Variants in NOD2 observed in about 807,000 individuals in gnomAD.
NOD2 encodes the protein nucleotide binding oligomerization domain containing 2.
In NOD2, 86 loss-of-function variants were observed where a neutral mutation model predicts 90.9. That is an observed-to-expected ratio of 0.95 (90% CI 0.79 to 1.13). NOD2 has a LOEUF of 1.13. NOD2 is among the 50% of genes most tolerant of loss of function. NOD2 has a pLI of 0.00. For missense variants in NOD2, 1,238 were observed against 1,283.8 expected (o/e 0.96, Z 0.55); for synonymous variants, 581 against 554.6 (o/e 1.05, Z -0.67).
chr16:50,724,663 G>A (rs965363005), intron 9 of NOD2, among the ~76,000 whole-genome samples: 2 of 152,208 alleles, frequency 1.3e-5, no homozygotes, highest in African/African-American at 4.8e-5. Context: ...CTAAGACTTA[G>A]CTGTTTGTTA....
chr16:50,729,842 C>T lies in NOD2; in HGVS notation c.2910C>T (p.Tyr970=). 6.2e-7 allele frequency: 1 copy of T among 1,613,058 alleles called. No individual in the cohort carries two copies. The highest frequency in any genetic ancestry group is 8.5e-7 in the Non-Finnish European group (1 of 1,179,194). Residue 970 remains tyrosine (Y), a synonymous_variant, in exon 11 of 12, where the codon TAC becomes TAT. Transcript: ENST00000647318. ...GGTTGTCCAATAACTGCATCACCTA[C>T]CTAGGGGCAGAAGCCCTCCTGCAGG... ...ILKLSNNCIT[Y]LGAEALLQAL... is the part of the protein sequence containing the mutation.
rs5743273 is a variant in NOD2, at chr16:50,711,105, C to T, written c.1113C>T (p.Thr371=). 8.7e-5 allele frequency: 140 copies of T among 1,614,200 alleles called. 1 individual carries two copies. Among genetic ancestry groups the T allele is most frequent in the Admixed American group, 6.7e-4 (40 of 60,030 alleles). The change falls in exon 4 of 12, where the codon ACC becomes ACT. Residue 371 remains threonine (T), a synonymous_variant. Transcript: ENST00000647318. ...ATCGTGAACGCCACTGCTCCCCGACCGACCCCACCTCTGTCCAGACCCTGC... is the reference window on the plus strand; with the variant it reads ...ATCGTGAACGCCACTGCTCCCCGACTGACCCCACCTCTGTCCAGACCCTGC... ...FTDRERHCSP[T]DPTSVQTLLF...
intron 1 of NOD2, among the ~76,000 whole-genome samples, chr16:50,695,968 G>C (rs144388393): frequency 7.9e-5 from 12 of 152,178 alleles, no homozygotes; most frequent in African/African-American, 2.7e-4. Context: ...AAGAAGGGGA[G>C]TGTCAAGAGA....
intron 2 of NOD2, among the ~76,000 whole-genome samples, chr16:50,704,305 C>A (rs1369496761): frequency 6.6e-6 from 1 of 152,134 alleles, no homozygotes; most frequent in African/African-American, 2.4e-5. Context: ...GCCTCTTCTT[C>A]CCTGGTTTAC....
At chr16:50,697,401 T>C (rs1234593037) in intron 1 of NOD2, 53 of 1,266,736 alleles carry the variant, frequency 4.2e-5, no homozygotes, top group Non-Finnish European at 1.1e-6. Context: ...AGGCCTGGGG[T>C]CAGATGGGGA....
rs151234925 is a variant in NOD2 at position 50,693,682 on chromosome 16, C to G, written c.-9+20C>G. 18 of 152,400 alleles carry G rather than the reference C, an allele frequency of 1.2e-4. 1 individual carries two copies. In the East Asian group the frequency reaches 2.9e-3, roughly 25 times the overall value. The allele number at this position is 152,400 out of a possible 1,614,324, so 9.4% of individuals were successfully genotyped here. On this transcript the variant is annotated intron_variant, in intron 1 of 11. Coordinates refer to ENST00000647318, the MANE Select transcript of NOD2 (RefSeq NM_001370466.1). ...CTCGCGGTGAGTGCTGTGCCCAGCG[C>G]CTGGGGGTGGGCTGGGGGGAGACTG... is the stretch of plus-strand genomic sequence containing the variant.
At position 50,732,756 on chromosome 16, in the gene NOD2, A is replaced by G. The variant is rs1433263673; in HGVS notation, c.*937A>G. On this transcript the variant is annotated 3_prime_UTR_variant, in exon 12 of 12. Transcript: ENST00000647318. ...GACAACAGACTTCTGAAATAGACCC[A>G]CAAGAGGCAGTTCCATTTCATTTGT... is the stretch of plus-strand genomic sequence containing the variant. 6.6e-6 allele frequency: 1 copy of G among 152,350 alleles called. No homozygotes were observed. Among genetic ancestry groups the G allele is most frequent in the Non-Finnish European group, 1.5e-5 (1 of 68,040 alleles). The allele number at this position is 152,350 out of a possible 1,614,324, so 9.4% of individuals were successfully genotyped here.
In NOD2 at chr16:50,712,006, G is replaced by T; in HGVS notation, c.2014G>T (p.Ala672Ser). 1 of 1,613,212 alleles carries T rather than the reference G, an allele frequency of 6.2e-7. No homozygotes were observed. Among genetic ancestry groups the T allele is most frequent in the African/African-American group, 1.3e-5 (1 of 75,070 alleles). The change falls in exon 4 of 12, where the codon GCC (alanine) becomes TCC (serine). Residue 672 changes from alanine (A) to serine (S), a missense_variant. Around this residue, in one of 3 missense-constraint regions of NOD2, gnomAD observed 667 missense variants for 688.7 expected, o/e 0.97. Coordinates refer to ENST00000647318, the MANE Select transcript of NOD2 (RefSeq NM_001370466.1). ...GGCTGAGTGCCAGACATCTGAGAAGGCCCTGCTCCGGCGCCAGGCCTGTGC... is the reference window on the plus strand; with the variant it reads ...GGCTGAGTGCCAGACATCTGAGAAGTCCCTGCTCCGGCGCCAGGCCTGTGC... ...LLAECQTSEK[A>S]LLRRQACARW...
Position 50,725,480 on chromosome 16 carries a change from T to G in NOD2, c.2802-9T>G, listed in dbSNP as rs750873269. 6.2e-7 allele frequency: 1 copy of G among 1,610,298 alleles called. No individual in the cohort carries two copies. The highest frequency in any genetic ancestry group is 2.2e-5 in the East Asian group (1 of 44,874). On this transcript the variant is annotated splice_polypyrimidine_tract_variant and intron_variant, in intron 9 of 11. Coordinates refer to ENST00000647318, the MANE Select transcript of NOD2 (RefSeq NM_001370466.1). ...GTATCAACTGGATTTTCTCTCTTCT[T>G]CTCACCAGCCTGGAGGAGAACCATC...
chr16:50,722,607 T>C lies in NOD2; in HGVS notation c.2634-15T>C, dbSNP rs1448012907. 6.8e-6 allele frequency: 11 copies of C among 1,613,454 alleles called. No homozygotes were observed. The East Asian group carries it at 2.5e-4, about 36-fold the overall frequency. ...ACTCACTGACACTGTCTGTTGACTCTTTTGGCCTTTTCAGATTCTGGGGCA... is the reference window on the plus strand; with the variant it reads ...ACTCACTGACACTGTCTGTTGACTCCTTTGGCCTTTTCAGATTCTGGGGCA... On this transcript the variant is annotated splice_polypyrimidine_tract_variant and intron_variant, in intron 7 of 11. Transcript: ENST00000647318.
Position 50,711,534 on chromosome 16 carries a change from G to T in NOD2, c.1542G>T (p.Arg514=). 1 of 1,612,876 alleles carries T rather than the reference G, an allele frequency of 6.2e-7. No homozygotes were observed. The highest frequency in any genetic ancestry group is 1.3e-5 in the African/African-American group (1 of 75,054). ...ASQGLGPSLL[R]GRLPTLLHLG... Reference sequence around the variant, plus strand: ...AAGGTCTGGGACCCAGTCTTCTTCGGGGCCGCCTCCCCACCCTCCTGCACC... The same window carrying T: ...AAGGTCTGGGACCCAGTCTTCTTCGTGGCCGCCTCCCCACCCTCCTGCACC... Residue 514 remains arginine (R), a synonymous_variant, in exon 4 of 12, where the codon CGG becomes CGT. Transcript: ENST00000647318.
chr16:50,719,715 C>T (rs751010512), intron 6 of NOD2: 1 of 686,374 alleles, frequency 1.5e-6, no homozygotes, highest in East Asian at 2.8e-5. Flanking sequence ...CAAACAGCGT[C>T]CCGCTGCCCC....
intron 4 of NOD2, chr16:50,712,860 C>G (rs1178015220): frequency 1.1e-5 from 2 of 189,114 alleles, no homozygotes; most frequent in Middle Eastern, 2.3e-3. Flanking sequence ...AGGAACAACA[C>G]CAAATCAGAG....
intron 6 of NOD2, among the ~76,000 whole-genome samples, chr16:50,719,508 C>A (rs989564146): frequency 1.3e-5 from 2 of 152,154 alleles, no homozygotes; most frequent in African/African-American, 4.8e-5. Context: ...GCCCAGCGCT[C>A]TTGTGCAACA....
In NOD2 at chr16:50,720,009, G is replaced by A. The variant is rs751482121; in HGVS notation, c.2633+1G>A. On this transcript the variant is annotated splice_donor_variant, in intron 7 of 11. Transcript: ENST00000647318. LOFTEE classifies it high-confidence loss of function. ...GCAACACCTCCTTGCAGTTCCTGGGGTAGGTTGGATTCCAGGAAGAGGGAC... is the reference window on the plus strand; with the variant it reads ...GCAACACCTCCTTGCAGTTCCTGGGATAGGTTGGATTCCAGGAAGAGGGAC... 3.1e-6 allele frequency: 5 copies of A among 1,613,868 alleles called. No individual in the cohort carries two copies. In the Admixed American group the frequency reaches 8.3e-5, roughly 27 times the overall value.
Position 50,699,653 on chromosome 16 carries a change from C to G in NOD2, c.158C>G (p.Pro53Arg), listed in dbSNP as rs1268714257. Residue 53 changes from proline (P) to arginine (R), a missense_variant, in exon 2 of 12, where the codon CCT (proline) becomes CGT (arginine). By Grantham distance (103) the Pro-to-Arg change is moderately radical. Around this residue, in one of 3 missense-constraint regions of NOD2, gnomAD observed 567 missense variants for 577.3 expected, o/e 0.98. Coordinates refer to ENST00000647318, the MANE Select transcript of NOD2 (RefSeq NM_001370466.1). ...GAGGGCTTCCACCTCCTGGGCCAGCCTCTCTCCCACTTGGCCAGGCGCCTT... is the reference window on the plus strand; with the variant it reads ...GAGGGCTTCCACCTCCTGGGCCAGCGTCTCTCCCACTTGGCCAGGCGCCTT... ...DYEGFHLLGQ[P>R]LSHLARRLLD... 3.1e-6 allele frequency: 5 copies of G among 1,614,166 alleles called. No homozygotes were observed. Among genetic ancestry groups the G allele is most frequent in the Non-Finnish European group, 4.2e-6 (5 of 1,180,036 alleles).
chr16:50,694,291 G>C (rs1443815634), intron 1 of NOD2, among the ~76,000 whole-genome samples: 5 of 152,128 alleles, frequency 3.3e-5, no homozygotes, highest in Admixed American at 3.3e-4. Flanking sequence ...CCATGGCCTT[G>C]GTTTCCCCAT....
Position 50,710,875 on chromosome 16 carries a change from T to C in NOD2, c.883T>C (p.Phe295Leu). The part of the protein sequence containing the change: ...LHLLWAAGQD[F>L]QEFLFVFPFS... ...CTTGCTGTGGGCTGCAGGGCAAGAC[T>C]TCCAGGAATTTCTCTTTGTCTTCCC... is the stretch of plus-strand genomic sequence containing the variant. The change falls in exon 4 of 12, where the codon TTC becomes CTC. Residue 295 changes from phenylalanine to leucine, a missense_variant. Physicochemically the swap from Phe to Leu is conservative, Grantham distance 22. Coordinates refer to ENST00000647318, the MANE Select transcript of NOD2 (RefSeq NM_001370466.1). 6.2e-7 allele frequency: 1 copy of C among 1,614,064 alleles called. No individual in the cohort carries two copies. The highest frequency in any genetic ancestry group is 8.5e-7 in the Non-Finnish European group (1 of 1,180,020).
At position 50,711,660 on chromosome 16, in the gene NOD2, C is replaced by T. The variant is rs1366085846; in HGVS notation, c.1668C>T (p.Gly556=). 2 of 1,613,374 alleles carry T rather than the reference C, an allele frequency of 1.2e-6. No homozygotes were observed. Among genetic ancestry groups the T allele is most frequent in the East Asian group, 2.2e-5 (1 of 44,878 alleles). The change falls in exon 4 of 12, where the codon GGC becomes GGT. Residue 556 remains glycine, a synonymous_variant. Coordinates refer to ENST00000647318, the MANE Select transcript of NOD2 (RefSeq NM_001370466.1). ...TCAGCCCTGATGACATTTCTCTTGG[C>T]TTCCTGGTGCGTGCCAAAGGTGTCG... ...AQVSPDDISL[G]FLVRAKGVVP... is the part of the protein sequence containing the mutation.
Sources: allele counts gnomAD v4.1 joint callset (sites outside exome capture counted in the v4.1 genomes callset), GRCh38; gene constraint gnomAD v4.1.1; regional missense constraint gnomAD v4.1.1; transcripts MANE v1.5; gene names NCBI Gene and HGNC (gene_info 2026-07-23, HGNC 2026-07-21).